DYM: variants seen among roughly 807,000 people sequenced by gnomAD.
DYM encodes dymeclin, also known as dyggve-Melchior-Clausen syndrome protein.
A neutral mutation model predicts 93.1 loss-of-function variants in DYM; 78 were observed. The observed-to-expected ratio is 0.84, with a 90% confidence interval of 0.70 to 1.01. The LOEUF is 1.01. Among genes scored for constraint, DYM ranks in the 50% least tolerant of loss-of-function variants. The pLI is 0.00. For synonymous variants in DYM, 321 were observed against 319.7 expected, an observed-to-expected ratio of 1.00 and a Z score of -0.04; for missense variants, 789 against 845.0, an observed-to-expected ratio of 0.93 and a Z score of 0.82.
chr18:49,435,072 G>A (rs2080704191), intron 1 of DYM, among the ~76,000 whole-genome samples: 1 of 149,794 alleles, frequency 6.7e-6, no homozygotes. Context: ...GCACAGCATG[G>A]TGGTGTGCGC....
intron 17 of DYM, among the ~76,000 whole-genome samples, chr18:49,050,843 A>G (rs2072345726): frequency 1.3e-5 from 2 of 152,154 alleles, no homozygotes; most frequent in Admixed American, 1.3e-4. Flanking sequence ...TAGAACAAAC[A>G]TCGGTTCTAA....
intron 13 of DYM, among the ~76,000 whole-genome samples, chr18:49,233,384 T>A (rs1037680990): frequency 1.3e-5 from 2 of 151,668 alleles, no homozygotes; most frequent in Admixed American, 1.3e-4. Context: ...AAAAAACACC[T>A]TTCGCAGAAC....
At chr18:49,215,231 T>C (rs1470236625) in intron 13 of DYM, among the ~76,000 whole-genome samples, 2 of 152,234 alleles carry the variant, frequency 1.3e-5, no homozygotes, top group Admixed American at 6.5e-5. Context: ...CTTCATCTTT[T>C]CTTCTCTGAT....
chr18:49,145,498 G>A (rs1253314419), intron 15 of DYM, among the ~76,000 whole-genome samples: 2 of 152,014 alleles, frequency 1.3e-5, no homozygotes, highest in African/African-American at 4.8e-5. Context: ...CAAAGAAGTC[G>A]AGTTTCATTC....
intron 2 of DYM, among the ~76,000 whole-genome samples, chr18:49,416,043 T>C (rs567664789): frequency 4.5e-4 from 68 of 152,292 alleles, no homozygotes; most frequent in Non-Finnish European, 8.8e-4. Context: ...CACAGGACTT[T>C]CAATCATCAA....
At chr18:49,192,488 T>C (rs1343267831) in intron 14 of DYM, among the ~76,000 whole-genome samples, 1 of 152,152 alleles carries the variant, frequency 6.6e-6, no homozygotes, top group African/African-American at 2.4e-5. Flanking sequence ...CTCTTTTGCA[T>C]ATGGATATCC....
intron 6 of DYM, among the ~76,000 whole-genome samples, chr18:49,334,521 G>A (rs1449605747): frequency 1.3e-5 from 2 of 152,096 alleles, no homozygotes; most frequent in Non-Finnish European, 2.9e-5. Context: ...AGCACACAGA[G>A]GAATAAAGGC....
At chr18:49,179,485 T>G (rs2089711972) in intron 14 of DYM, among the ~76,000 whole-genome samples, 1 of 152,150 alleles carries the variant, frequency 6.6e-6, no homozygotes, top group Non-Finnish European at 1.5e-5. Context: ...TCACAACTTT[T>G]GACTTGGAAT....
chr18:49,401,790 C>T (rs1425643278), intron 2 of DYM, among the ~76,000 whole-genome samples: 3 of 152,124 alleles, frequency 2.0e-5, no homozygotes, highest in Non-Finnish European at 2.9e-5. Flanking sequence ...CTCTGGGAGG[C>T]TGAAGCGGGT....
chr18:49,058,786 A>C (rs2075714381), intron 17 of DYM, among the ~76,000 whole-genome samples: 2 of 152,250 alleles, frequency 1.3e-5, no homozygotes, highest in South Asian at 4.1e-4. Context: ...TTCCAAATTT[A>C]AATAATCAAC....
At chr18:49,447,263 C>A (rs2082171071) in intron 1 of DYM, 1 of 152,116 alleles carries the variant, frequency 6.6e-6, no homozygotes, top group Admixed American at 6.5e-5. Flanking sequence ...CATAAGAGAC[C>A]AGAAAGTACC....
intron 15 of DYM, among the ~76,000 whole-genome samples, chr18:49,151,582 C>T (rs954748465): frequency 3.9e-5 from 6 of 152,068 alleles, no homozygotes; most frequent in African/African-American, 1.2e-4. Context: ...TCATAATAGC[C>T]GAATTAAAGG....
At chr18:49,399,404 G>C (rs1331998883) in intron 2 of DYM, among the ~76,000 whole-genome samples, 1 of 152,132 alleles carries the variant, frequency 6.6e-6, no homozygotes, top group Non-Finnish European at 1.5e-5. Flanking sequence ...AAACTACAAA[G>C]CTGGAAAAGT....
chr18:49,183,906 G>C (rs1185869970), intron 14 of DYM, among the ~76,000 whole-genome samples: 1 of 152,158 alleles, frequency 6.6e-6, no homozygotes, highest in Non-Finnish European at 1.5e-5. Context: ...CTCTCTCTCT[G>C]TGCACGTACT....
intron 15 of DYM, among the ~76,000 whole-genome samples, chr18:49,125,227 C>A (rs1034856147): frequency 3.3e-5 from 5 of 152,174 alleles, no homozygotes; most frequent in African/African-American, 1.2e-4. Flanking sequence ...CTACTGCACT[C>A]CAGCCTGGGT....
At chr18:49,120,429 A>C (rs1372857005) in intron 15 of DYM, among the ~76,000 whole-genome samples, 2 of 152,194 alleles carry the variant, frequency 1.3e-5, no homozygotes, top group African/African-American at 4.8e-5. Context: ...GTGGCTATAC[A>C]GTATACCATA....
At chr18:49,240,802 T>G (rs1380227130) in intron 13 of DYM, among the ~76,000 whole-genome samples, 1 of 152,206 alleles carries the variant, frequency 6.6e-6, no homozygotes, top group Non-Finnish European at 1.5e-5. Flanking sequence ...GAACCCAGTA[T>G]GGAGTAGAAG....
chr18:49,078,067 T>C (rs1454710298), intron 17 of DYM, among the ~76,000 whole-genome samples: 1 of 152,170 alleles, frequency 6.6e-6, no homozygotes, highest in Non-Finnish European at 1.5e-5. Flanking sequence ...TTTTAAGAAT[T>C]CTAATTTTTC....
At chr18:49,258,887 TAGGC>T (rs2094444901) in intron 11 of DYM, among the ~76,000 whole-genome samples, 2 of 44,224 alleles carry the variant, frequency 4.5e-5, no homozygotes, top group African/African-American at 1.6e-4. Context: ...GAGAGAGAGA[TAGGC>T]AGGCAGGCCG....
Sources: gnomAD v4.1 joint callset for allele counts (sites outside exome capture counted in the v4.1 genomes callset) on GRCh38, gnomAD v4.1.1 for gene constraint, MANE v1.5 for transcripts, NCBI Gene and HGNC (gene_info 2026-07-23, HGNC 2026-07-21) for gene names.